GALNT6: variants seen among roughly 807,000 people sequenced by gnomAD.
GALNT6 encodes GalNAc transferase 6.
Under a neutral mutation model 65.9 loss-of-function variants are expected in GALNT6, and 51 were observed. The observed-to-expected ratio is 0.77, with a 90% CI of 0.62 to 0.98. The LOEUF (loss-of-function observed/expected upper bound fraction) is 0.98. GALNT6 is among the 50% of genes least tolerant of loss of function. GALNT6 has a pLI of 0.00. For synonymous variants in GALNT6, 323 were observed against 315.1 expected, an observed-to-expected ratio of 1.02 and a Z score of -0.26; for missense variants, 708 against 803.3, an observed-to-expected ratio of 0.88 and a Z score of 1.43.
At chr12:51,358,302 T>C (rs1294066554) in intron 8 of GALNT6, 41 bp from the exon 9 acceptor site, 2 of 181,674 alleles carry the variant, frequency 1.1e-5, no homozygotes, top group Non-Finnish European at 1.9e-5. Flanking sequence ...GTTCCACCAG[T>C]TTTTTTTTTT....
rs374435646 is a variant in GALNT6 at position 51,355,977 on chromosome 12, G to A, written c.1603-19C>T. The A allele has an allele frequency of 6.2e-7, 1 of 1,610,780 alleles. No homozygotes were observed. The highest frequency in any genetic ancestry group is 1.1e-5 in the South Asian group (1 of 90,980). On this transcript the variant is annotated intron_variant, in intron 10 of 11. Coordinates refer to ENST00000356317, the MANE Select transcript of GALNT6 (RefSeq NM_007210.4). ...CAAAGTACTGGAAATCAAGACAAGA[G>A]AAGCAGGTGGAGAGTTCACCCCCAG...
intron 4 of GALNT6, among the ~76,000 whole-genome samples, chr12:51,370,141 A>G (rs1210401023): frequency 6.6e-6 from 1 of 152,266 alleles, no homozygotes; most frequent in African/African-American, 2.4e-5. Context: ...TGTTCACAGC[A>G]GCATTAGTCA....
At chr12:51,374,803 C>T (rs1947400292) in intron 4 of GALNT6, among the ~76,000 whole-genome samples, 2 of 152,210 alleles carry the variant, frequency 1.3e-5, no homozygotes, top group South Asian at 2.1e-4. Context: ...ACTTCCTCTC[C>T]AGACTGTGAG....
At chr12:51,368,407 T>C (rs1174477532) in intron 4 of GALNT6, among the ~76,000 whole-genome samples, 17 of 148,938 alleles carry the variant, frequency 1.1e-4, no homozygotes, top group African/African-American at 3.2e-4. Context: ...TTTTTTTTTT[T>C]TTCTTCTTTT....
At chr12:51,358,840 A>G (rs1030144297) in intron 8 of GALNT6, among the ~76,000 whole-genome samples, 4 of 152,170 alleles carry the variant, frequency 2.6e-5, no homozygotes, top group African/African-American at 9.7e-5. Flanking sequence ...TCTCAGAGCC[A>G]TTCCTCCAAA....
In GALNT6 at chr12:51,379,341, G is replaced by A. The variant is rs138630008; in HGVS notation, c.441C>T (p.Ser147=). 5.0e-5 allele frequency: 76 copies of A among 1,534,534 alleles called. No individual in the cohort carries two copies. Among genetic ancestry groups the A allele is most frequent in the Non-Finnish European group, 6.1e-5 (70 of 1,144,030 alleles). The change falls in exon 3 of 12, where the codon AGC becomes AGT. Residue 147 remains serine (S), a synonymous_variant. Transcript: ENST00000356317. Reference sequence around the variant, plus strand: ...GGGACCTCTGCAGGGAGATCCGGTCGCTGGCAAAGGCATTGAAACAGTGCT... The same window carrying A: ...GGGACCTCTGCAGGGAGATCCGGTCACTGGCAAAGGCATTGAAACAGTGCT... ...YKKHCFNAFA[S]DRISLQRSLG...
intron 4 of GALNT6, among the ~76,000 whole-genome samples, chr12:51,367,361 G>T (rs1472962625): frequency 1.3e-5 from 2 of 152,224 alleles, no homozygotes; most frequent in African/African-American, 4.8e-5. Flanking sequence ...CTTGAACCCA[G>T]GAGGTGGAGG....
At chr12:51,386,305 C>T (rs1051946286) in intron 2 of GALNT6, among the ~76,000 whole-genome samples, 3 of 152,136 alleles carry the variant, frequency 2.0e-5, no homozygotes, top group Non-Finnish European at 2.9e-5. Context: ...CACTCATACC[C>T]GTGGAGGTTG....
At chr12:51,384,972 C>G (rs1947785188) in intron 2 of GALNT6, among the ~76,000 whole-genome samples, 1 of 152,046 alleles carries the variant, frequency 6.6e-6, no homozygotes, top group African/African-American at 2.4e-5. Context: ...GTAACACAGG[C>G]AAGTATTCGT....
At chr12:51,389,652 A>T (rs1170579892) in intron 2 of GALNT6, among the ~76,000 whole-genome samples, 3 of 152,070 alleles carry the variant, frequency 2.0e-5, no homozygotes, top group Non-Finnish European at 4.4e-5. Flanking sequence ...CCTTCATGAT[A>T]CTCACTGCCT....
At chr12:51,360,423 C>T (rs1946882246) in intron 7 of GALNT6, among the ~76,000 whole-genome samples, 1 of 152,074 alleles carries the variant, frequency 6.6e-6, no homozygotes, top group African/African-American at 2.4e-5. Flanking sequence ...AACCCTTTCC[C>T]ACAGACATCG....
intron 8 of GALNT6, 41 bp from the exon 9 acceptor site, chr12:51,358,302 T>A: frequency 5.5e-6 from 1 of 181,676 alleles, no homozygotes; most frequent in South Asian, 7.2e-5. Context: ...GTTCCACCAG[T>A]TTTTTTTTTT....
chr12:51,363,834 G>C (rs745715312), intron 6 of GALNT6, among the ~76,000 whole-genome samples: 2 of 152,348 alleles, frequency 1.3e-5, no homozygotes, highest in Middle Eastern at 3.4e-3. Flanking sequence ...TGGTGAATAA[G>C]AGCAAACTGT....
At chr12:51,383,477 T>G (rs1296412062) in intron 2 of GALNT6, 2 of 152,244 alleles carry the variant, frequency 1.3e-5, no homozygotes, top group Admixed American at 1.3e-4. Context: ...CAGGAAGGCC[T>G]CCTGACTGAT....
intron 2 of GALNT6, among the ~76,000 whole-genome samples, chr12:51,388,621 G>A (rs1360895478): frequency 2.0e-5 from 3 of 151,832 alleles, no homozygotes; most frequent in Admixed American, 6.6e-5. Flanking sequence ...CTTTCCTTAC[G>A]TGGGATTTCC....
chr12:51,360,751 C>T lies in GALNT6; in HGVS notation c.1137G>A (p.Trp379Ter), dbSNP rs1946896702. 6.2e-7 allele frequency: 1 copy of T among 1,611,796 alleles called. No homozygotes were observed. The highest frequency in any genetic ancestry group is 2.2e-5 in the East Asian group (1 of 44,888). ...AGGACATTTCCACGTTCTCCCCTCC[C>T]CAGATCTCCATCTGATTATCATAGG... The part of the protein sequence containing the change: ...IGTYDNQMEI[W>*]GGENVEMSFR... Residue 379 changes from tryptophan (W) to a stop codon, truncating the protein, a stop_gained, in exon 7 of 12, where the codon TGG becomes TGA. Transcript: ENST00000356317. LOFTEE classifies it high-confidence loss of function.
chr12:51,355,340 G>A (rs1056881739), intron 11 of GALNT6, among the ~76,000 whole-genome samples: 1 of 152,126 alleles, frequency 6.6e-6, no homozygotes, highest in African/African-American at 2.4e-5. Flanking sequence ...TACCCTTTAA[G>A]CCTGAAGAAC....
intron 1 of GALNT6, 164 bp from the exon 2 acceptor site, chr12:51,391,101 C>T (rs1025702196): frequency 6.6e-6 from 1 of 152,422 alleles, no homozygotes; most frequent in African/African-American, 2.4e-5. Context: ...CGAGGCTTCT[C>T]CTTGCTGTCC....
At chr12:51,360,363 T>C (rs1592317326) in intron 7 of GALNT6, 1 of 161,556 alleles carries the variant, frequency 6.2e-6, no homozygotes, top group East Asian at 1.8e-4. Context: ...ATCTGTTTTT[T>C]TTTTCTAGCC....
Sources: allele counts gnomAD v4.1 joint callset (sites outside exome capture counted in the v4.1 genomes callset), GRCh38; gene constraint gnomAD v4.1.1; transcripts MANE v1.5; gene names NCBI Gene and HGNC (gene_info 2026-07-23, HGNC 2026-07-21).